Variants in TRPM6 observed in about 807,000 individuals in gnomAD.
The protein encoded by TRPM6 is channel kinase 2.
TRPM6 carries 111 observed loss-of-function variants against 247.6 expected under a neutral mutation model. The ratio of observed to expected loss-of-function variants is 0.45; its 90% CI spans 0.38 to 0.52. The LOEUF (loss-of-function observed/expected upper bound fraction) is 0.52, where lower values mean the gene tolerates loss of function less well. Ranked by LOEUF, TRPM6 falls within the 20% of genes least tolerant of loss-of-function variation. TRPM6 has a pLI of 0.00. For synonymous variants in TRPM6, 892 were observed against 853.8 expected, an observed-to-expected ratio of 1.04 and a Z score of -0.78; for missense variants, 2,126 against 2,421.5, an observed-to-expected ratio of 0.88 and a Z score of 2.56.
chr9:74,795,183 C>T (rs183883128), intron 18 of TRPM6, among the ~76,000 whole-genome samples: 12 of 152,196 alleles, frequency 7.9e-5, no homozygotes, highest in South Asian at 2.1e-4. Context: ...TACTGACTCT[C>T]GTTAAAGGAC....
At chr9:74,817,952 G>A (rs1164701914) in intron 9 of TRPM6, among the ~76,000 whole-genome samples, 1 of 152,140 alleles carries the variant, frequency 6.6e-6, no homozygotes, top group Non-Finnish European at 1.5e-5. Context: ...GGAACCTGTT[G>A]AATAATCTCT....
At chr9:74,861,634 T>G (rs1830692609) in intron 1 of TRPM6, among the ~76,000 whole-genome samples, 1 of 152,212 alleles carries the variant, frequency 6.6e-6, no homozygotes, top group African/African-American at 2.4e-5. Flanking sequence ...TAATAGTACC[T>G]CATAGAACTA....
chr9:74,847,744 T>G (rs1039481336), intron 3 of TRPM6, among the ~76,000 whole-genome samples: 3 of 152,086 alleles, frequency 2.0e-5, no homozygotes, highest in African/African-American at 7.2e-5. Context: ...CCATTGTCAT[T>G]CTTGATTTTA....
chr9:74,835,999 C>T (rs1221414727), intron 5 of TRPM6, among the ~76,000 whole-genome samples: 2 of 152,126 alleles, frequency 1.3e-5, no homozygotes, highest in Non-Finnish European at 2.9e-5. Flanking sequence ...CCACAGTTTA[C>T]ATCAGTTTAC....
chr9:74,776,586 A>G (rs1336952743), intron 23 of TRPM6, among the ~76,000 whole-genome samples: 2 of 152,228 alleles, frequency 1.3e-5, no homozygotes, highest in African/African-American at 2.4e-5. Context: ...AGCTTCTATT[A>G]AAATCCAGAC....
In TRPM6 at chr9:74,777,554, C is replaced by A. The variant is rs190448004; in HGVS notation, c.3210-1478G>T. ...CACTACCACAGTCTTGTTTGCTACTCCTTCTACTAAAATAGTTCAAATCAA... is the reference window on the plus strand; with the variant it reads ...CACTACCACAGTCTTGTTTGCTACTACTTCTACTAAAATAGTTCAAATCAA... On this transcript the variant is annotated intron_variant, in intron 23 of 38. Transcript: ENST00000360774. Among the ~76,000 whole-genome samples, 1,053 of 152,302 alleles carry A rather than the reference C, an allele frequency of 6.9e-3. 23 individuals carry two copies. Among genetic ancestry groups the A allele is most frequent in the South Asian group, 7.5e-3 (36 of 4,830 alleles).
rs921012680 is a variant in TRPM6, at chr9:74,887,814, C to G, written c.33+10G>C. 2.5e-6 allele frequency: 4 copies of G among 1,614,054 alleles called. No homozygotes were observed. Among genetic ancestry groups the G allele is most frequent in the African/African-American group, 2.7e-5 (2 of 74,932 alleles). On this transcript the variant is annotated intron_variant, in intron 1 of 38. Coordinates refer to ENST00000360774, the MANE Select transcript of TRPM6 (RefSeq NM_017662.5). The stretch of plus-strand genomic sequence containing the variant: ...CCTTGTTCCCCGCCAGTCGAGCAGC[C>G]TGAGCTTACCTGCAAGCGCTCCAAG...
At chr9:74,862,349 A>G (rs1226459478) in intron 1 of TRPM6, among the ~76,000 whole-genome samples, 1 of 152,144 alleles carries the variant, frequency 6.6e-6, no homozygotes, top group African/African-American at 2.4e-5. Context: ...GGTAGTTGAG[A>G]GTAAGGATTT....
chr9:74,871,481 T>G (rs1831029205), intron 1 of TRPM6, among the ~76,000 whole-genome samples: 1 of 152,210 alleles, frequency 6.6e-6, no homozygotes, highest in Non-Finnish European at 1.5e-5. Context: ...CTTCATTTTA[T>G]GAGGCTGACC....
Position 74,792,619 on chromosome 9 carries a change from C to T in TRPM6, c.2538+5G>A. 1 of 1,613,788 alleles carries T rather than the reference C, an allele frequency of 6.2e-7. No individual in the cohort carries two copies. Among genetic ancestry groups the T allele is most frequent in the Non-Finnish European group, 8.5e-7 (1 of 1,179,778 alleles). On this transcript the variant is annotated splice_donor_5th_base_variant and intron_variant, in intron 19 of 38. Coordinates refer to ENST00000360774, the MANE Select transcript of TRPM6 (RefSeq NM_017662.5). Reference sequence around the variant, plus strand: ...TCCGACATATATTGTTGCAATGAGACCAACCGTATAAAACCAAAACTTGAC... The same window carrying T: ...TCCGACATATATTGTTGCAATGAGATCAACCGTATAAAACCAAAACTTGAC...
At chr9:74,824,115 A>T (rs938720199) in intron 7 of TRPM6, among the ~76,000 whole-genome samples, 6 of 151,362 alleles carry the variant, frequency 4.0e-5, no homozygotes, top group Non-Finnish European at 8.8e-5. Context: ...TAATATGGGC[A>T]TTTTTGTGGA....
rs763828073 is a variant in TRPM6 at position 74,727,381 on chromosome 9, CAAAAAAAA to C, written c.5935+850_5935+857del. Among the ~76,000 whole-genome samples, 209 of 52,256 alleles carry C rather than the reference CAAAAAAAA, an allele frequency of 4.0e-3. 1 individual carries two copies. Among genetic ancestry groups the C allele is most frequent in the African/African-American group, 0.014 (203 of 14,126 alleles). 34.3% of individuals were successfully genotyped at this position (52,256 alleles called of 152,430 possible). A position where few individuals can be genotyped will look rare whatever the true frequency, so the allele number is the denominator to read the frequency against. ...TGGGCGACAGAGTGAGACTCCGTCTCAAAAAAAAAAAAAAAAAAAAAAAGAAATCTCCT... is the reference window on the plus strand; with the variant it reads ...TGGGCGACAGAGTGAGACTCCGTCTCAAAAAAAAAAAAAAAGAAATCTCCT... On this transcript the variant is annotated intron_variant, in intron 38 of 38. Coordinates refer to ENST00000360774, the MANE Select transcript of TRPM6 (RefSeq NM_017662.5).
intron 23 of TRPM6, among the ~76,000 whole-genome samples, chr9:74,779,463 C>CA (rs1827340403): frequency 6.6e-6 from 1 of 151,614 alleles, no homozygotes; most frequent in Admixed American, 6.6e-5. Context: ...ACAGCAGTCA[C>CA]TTTTTTTTTA....
chr9:74,765,041 C>T (rs1587482052), intron 25 of TRPM6, among the ~76,000 whole-genome samples: 1 of 152,016 alleles, frequency 6.6e-6, no homozygotes, highest in Admixed American at 6.6e-5. Context: ...TGAAACAACT[C>T]AGTGGTAGCA....
intron 6 of TRPM6, among the ~76,000 whole-genome samples, chr9:74,830,653 CACA>C (rs1168812505): frequency 6.6e-6 from 1 of 151,856 alleles, no homozygotes; most frequent in African/African-American, 2.4e-5. Context: ...CACAGCTCAC[CACA>C]ACCTCAACTT....
intron 7 of TRPM6, among the ~76,000 whole-genome samples, chr9:74,825,385 G>A (rs1359620970): frequency 6.6e-6 from 1 of 152,066 alleles, no homozygotes. Context: ...TCCCTCATAA[G>A]TATGTTAGGT....
chr9:74,838,077 A>G (rs1416629492), intron 5 of TRPM6, among the ~76,000 whole-genome samples: 1 of 152,004 alleles, frequency 6.6e-6, no homozygotes, highest in African/African-American at 2.4e-5. Context: ...AGATCCAAGT[A>G]TTTCTCATGT....
At chr9:74,733,238 T>C (rs1039708301) in intron 36 of TRPM6, among the ~76,000 whole-genome samples, 1 of 151,816 alleles carries the variant, frequency 6.6e-6, no homozygotes, top group African/African-American at 2.4e-5. Flanking sequence ...AAATCTGTAC[T>C]TGTACCCCCA....
intron 6 of TRPM6, among the ~76,000 whole-genome samples, chr9:74,831,725 T>C (rs527795062): frequency 3.3e-5 from 5 of 152,318 alleles, no homozygotes; most frequent in South Asian, 2.1e-4. Context: ...GATTCATGGA[T>C]TGAAATATGA....
Sources: allele counts gnomAD v4.1 joint callset (sites outside exome capture counted in the v4.1 genomes callset), GRCh38; gene constraint gnomAD v4.1.1; transcripts MANE v1.5; gene names NCBI Gene and HGNC (gene_info 2026-07-23, HGNC 2026-07-21).